SP3: variants seen among roughly 807,000 people sequenced by gnomAD.
The protein encoded by SP3 is Sp3 transcription factor, also known as transcription factor Sp3.
SP3 carries 10 observed loss-of-function variants against 70.3 expected under a neutral mutation model. The observed-to-expected ratio is 0.14, with a 90% CI of 0.09 to 0.24. SP3 has a LOEUF of 0.24. SP3 is among the 10% of genes least tolerant of loss of function. The pLI, the probability that SP3 is intolerant of heterozygous loss-of-function variation, is 1.00. For missense variants in SP3, 825 were observed against 914.6 expected (o/e 0.90, Z 1.26); for synonymous variants, 402 against 333.5 (o/e 1.21, Z -2.24).
intron 4 of SP3, among the ~76,000 whole-genome samples, chr2:173,952,598 A>G (rs1243403898): frequency 1.3e-5 from 2 of 152,174 alleles, no homozygotes; most frequent in Non-Finnish European, 2.9e-5. Flanking sequence ...ACAAAATACT[A>G]CCTACACAAA....
intron 6 of SP3, among the ~76,000 whole-genome samples, chr2:173,911,721 C>A (rs898968315): frequency 6.6e-6 from 1 of 150,718 alleles, no homozygotes; most frequent in Admixed American, 6.6e-5. Context: ...ATCATAAGAT[C>A]TATTATCCCA....
rs1553518627 is a variant in SP3, at chr2:173,956,141, C to T, written c.371G>A (p.Gly124Asp). 6.2e-7 allele frequency: 1 copy of T among 1,614,144 alleles called. No individual in the cohort carries two copies. Among genetic ancestry groups the T allele is most frequent in the South Asian group, 1.1e-5 (1 of 91,080 alleles). ...AGCACTTGGAATCTGGACTAGATTA[C>T]CAGCTTCATCTTTTATAGTTGTAGG... ...ATPTTIKDEA[G>D]NLVQIPSAAT... Residue 124 changes from glycine (G) to aspartate (D), a missense_variant, in exon 4 of 7, where the codon GGT becomes GAT. This residue lies in a region of SP3 where 678 missense variants were observed against 651.6 expected (regional missense o/e 1.04). Transcript: ENST00000310015.
At chr2:173,920,980 G>A (rs753152591) in intron 4 of SP3, among the ~76,000 whole-genome samples, 7 of 152,124 alleles carry the variant, frequency 4.6e-5, no homozygotes, top group Admixed American at 2.6e-4. Context: ...ATATATGACT[G>A]AGTACAGGGA....
Position 173,906,812 on chromosome 2 carries a change from T to C in SP3, c.*3129A>G, listed in dbSNP as rs949521948. 1 of 152,164 alleles carries C rather than the reference T, an allele frequency of 6.6e-6. No homozygotes were observed. The highest frequency in any genetic ancestry group is 6.5e-5 in the Admixed American group (1 of 15,278). 9.4% of individuals were successfully genotyped at this position (152,164 alleles called of 1,614,324 possible). A position where few individuals can be genotyped will look rare whatever the true frequency, so the allele number is the denominator to read the frequency against. Reference sequence around the variant, plus strand: ...ACTTGAGCAGCTGTTTCAAAACACATATACACTCCATCTCCAGAGATGTTG... The same window carrying C: ...ACTTGAGCAGCTGTTTCAAAACACACATACACTCCATCTCCAGAGATGTTG... On this transcript the variant is annotated 3_prime_UTR_variant, in exon 7 of 7. Transcript: ENST00000310015.
intron 4 of SP3, among the ~76,000 whole-genome samples, chr2:173,923,064 A>G (rs1689803412): frequency 6.6e-6 from 1 of 152,216 alleles, no homozygotes; most frequent in South Asian, 2.1e-4. Context: ...ATTTGAGGAA[A>G]AGTATGCAAA....
At position 173,905,190 on chromosome 2, in the gene SP3, G is replaced by A. The variant is rs1036562920; in HGVS notation, c.*4751C>T. On this transcript the variant is annotated 3_prime_UTR_variant, in exon 7 of 7. Transcript: ENST00000310015. ...TTCTTCTCATTTTGGAAAAATCAAT[G>A]TATGAACCATAGTCAAACAATGAAA... Among the ~76,000 whole-genome samples, 7 of 152,132 alleles carry A rather than the reference G, an allele frequency of 4.6e-5. No homozygotes were observed. The highest frequency in any genetic ancestry group is 8.8e-5 in the Non-Finnish European group (6 of 68,032).
intron 4 of SP3, among the ~76,000 whole-genome samples, chr2:173,952,282 A>T (rs1690732240): frequency 6.6e-6 from 1 of 152,178 alleles, no homozygotes; most frequent in Non-Finnish European, 1.5e-5. Flanking sequence ...TCTTATTTTG[A>T]TATGCAGCAA....
At chr2:173,965,454 C>A, upstream of SP3, 3 of 408,800 alleles carry the variant, frequency 7.3e-6, no homozygotes, top group East Asian at 4.3e-5. Flanking sequence ...TTGGTCCAGG[C>A]GCCTGTCCGT....
At chr2:173,928,767 G>C (rs1689986679) in intron 4 of SP3, among the ~76,000 whole-genome samples, 1 of 152,128 alleles carries the variant, frequency 6.6e-6, no homozygotes, top group African/African-American at 2.4e-5. Flanking sequence ...CATGTGGTTG[G>C]CTTTCACAAA....
chr2:173,956,351 T>A, intron 3 of SP3, 119 bp from the exon 4 acceptor site: 1 of 1,065,322 alleles, frequency 9.4e-7, no homozygotes, highest in Non-Finnish European at 1.3e-6. Flanking sequence ...TAAAACACAA[T>A]GGAGTTCAAA....
chr2:173,960,128 C>A (rs1691019397), intron 3 of SP3, among the ~76,000 whole-genome samples: 1 of 152,222 alleles, frequency 6.6e-6, no homozygotes, highest in South Asian at 2.1e-4. Flanking sequence ...TGTAATCACA[C>A]ACCTCCATTC....
chr2:173,963,270 A>G (rs1441971080), intron 3 of SP3: 1 of 152,222 alleles, frequency 6.6e-6, no homozygotes, highest in African/African-American at 2.4e-5. Flanking sequence ...TCCTGCATAC[A>G]AAAGGGTAAT....
chr2:173,953,366 C>T (rs192199344), intron 4 of SP3, among the ~76,000 whole-genome samples: 66 of 152,228 alleles, frequency 4.3e-4, no homozygotes, highest in Non-Finnish European at 7.9e-4. Flanking sequence ...CAATGGTCCA[C>T]AGATCACATT....
intron 4 of SP3, among the ~76,000 whole-genome samples, chr2:173,945,385 A>C (rs1574417256): frequency 1.3e-5 from 2 of 152,306 alleles, no homozygotes; most frequent in East Asian, 3.9e-4. Context: ...GTTATACTAA[A>C]AAAAGTCTAG....
intron 4 of SP3, among the ~76,000 whole-genome samples, chr2:173,953,488 A>T (rs1690780108): frequency 6.7e-6 from 1 of 150,240 alleles, no homozygotes; most frequent in South Asian, 2.2e-4. Context: ...CCACACCTGT[A>T]ATCCCAGCAC....
chr2:173,925,283 C>A (rs1306061274), intron 4 of SP3, among the ~76,000 whole-genome samples: 1 of 152,118 alleles, frequency 6.6e-6, no homozygotes, highest in South Asian at 2.1e-4. Flanking sequence ...CGCTACAACA[C>A]GGATGAACCT....
At chr2:173,964,286 G>C (rs1361393136) in intron 2 of SP3, 119 bp downstream of exon 2, 1 of 526,508 alleles carries the variant, frequency 1.9e-6, no homozygotes, top group East Asian at 3.5e-5. Flanking sequence ...CGGGGGGAGG[G>C]GAGTGGAGGG....
intron 6 of SP3, 56 bp downstream of exon 6, chr2:173,913,014 G>T: frequency 7.6e-7 from 1 of 1,324,110 alleles, no homozygotes; most frequent in South Asian, 1.9e-5. Flanking sequence ...AAGAAGTCAA[G>T]GCAGTTATGT....
chr2:173,953,532 T>G (rs1372561887), intron 4 of SP3, among the ~76,000 whole-genome samples: 2 of 152,072 alleles, frequency 1.3e-5, no homozygotes, highest in African/African-American at 2.4e-5. Context: ...TCACTTGAGG[T>G]CAGGAGTTTG....
Sources: allele counts gnomAD v4.1 joint callset (sites outside exome capture counted in the v4.1 genomes callset), GRCh38; gene constraint gnomAD v4.1.1; regional missense constraint gnomAD v4.1.1; transcripts MANE v1.5; gene names NCBI Gene and HGNC (gene_info 2026-07-23, HGNC 2026-07-21).